The following GRID2 variants were observed in gnomAD, a reference collection of about 807,000 sequenced individuals.
The protein encoded by GRID2 is glutamate receptor ionotropic, delta-2.
GRID2 carries 33 observed loss-of-function variants against 114.8 expected under a neutral mutation model. The observed-to-expected ratio is 0.29, with a 90% CI of 0.22 to 0.38. GRID2 has a LOEUF of 0.38. Ranked by LOEUF, GRID2 falls within the 10% of genes least tolerant of loss-of-function variation. The pLI, the probability that GRID2 is intolerant of heterozygous loss-of-function variation, is 1.00. For missense variants in GRID2, 1,184 were observed against 1,257.7 expected (o/e 0.94, Z 0.89); for synonymous variants, 505 against 449.9 (o/e 1.12, Z -1.55).
chr4:92,568,119 G>A (rs1022743327), intron 1 of GRID2, among the ~76,000 whole-genome samples: 2 of 151,958 alleles, frequency 1.3e-5, no homozygotes, highest in Non-Finnish European at 2.9e-5. Context: ...GAGAAGCTGT[G>A]TTTTTCTGTA....
chr4:92,724,765 TA>T (rs1377333557), intron 2 of GRID2, among the ~76,000 whole-genome samples: 257 of 152,238 alleles, frequency 1.7e-3, no homozygotes, highest in African/African-American at 6.1e-3. Flanking sequence ...GAAGAATACA[TA>T]AACTAATATG....
chr4:92,823,078 T>A (rs113535774), intron 2 of GRID2: 2 of 152,076 alleles, frequency 1.3e-5, no homozygotes, highest in African/African-American at 4.8e-5. Context: ...AGGCATAGGA[T>A]GGAATAGTTT....
chr4:93,624,600 C>T (rs1241521940), intron 13 of GRID2, among the ~76,000 whole-genome samples: 1 of 151,924 alleles, frequency 6.6e-6, no homozygotes, highest in East Asian at 1.9e-4. Context: ...TTTTATAAAG[C>T]CTCATTTGTA....
intron 1 of GRID2, among the ~76,000 whole-genome samples, chr4:92,336,193 G>A (rs1727155268): frequency 6.6e-6 from 1 of 152,066 alleles, no homozygotes; most frequent in Non-Finnish European, 1.5e-5. Context: ...ATGTCATAAG[G>A]ACACCATAAT....
intron 3 of GRID2, among the ~76,000 whole-genome samples, chr4:93,102,492 A>C (rs1731799630): frequency 6.6e-6 from 1 of 152,090 alleles, no homozygotes; most frequent in Admixed American, 6.6e-5. Context: ...TATGGGCTCC[A>C]CTGCATACTG....
chr4:93,375,120 C>A (rs1011313224), intron 8 of GRID2, among the ~76,000 whole-genome samples: 1 of 152,022 alleles, frequency 6.6e-6, no homozygotes, highest in African/African-American at 2.4e-5. Context: ...ATCACTGCAG[C>A]TTTCCGTTGC....
At chr4:92,606,988 G>C (rs1560485799) in intron 2 of GRID2, among the ~76,000 whole-genome samples, 1 of 152,008 alleles carries the variant, frequency 6.6e-6, no homozygotes, top group Non-Finnish European at 1.5e-5. Context: ...TGATGTTGGA[G>C]ATACTGAGTG....
At chr4:93,436,123 A>G (rs918721651) in intron 10 of GRID2, among the ~76,000 whole-genome samples, 5 of 152,178 alleles carry the variant, frequency 3.3e-5, no homozygotes, top group African/African-American at 1.2e-4. Context: ...TAATTCTCAC[A>G]AAACTGGCCT....
intron 1 of GRID2, among the ~76,000 whole-genome samples, chr4:92,507,470 T>C (rs1239713321): frequency 6.6e-6 from 1 of 151,734 alleles, no homozygotes; most frequent in African/African-American, 2.4e-5. Flanking sequence ...CACTGTTTAC[T>C]TGGTCCTCAA....
At chr4:93,142,289 G>T (rs1405953854) in intron 4 of GRID2, among the ~76,000 whole-genome samples, 3 of 152,090 alleles carry the variant, frequency 2.0e-5, no homozygotes, top group Non-Finnish European at 4.4e-5. Context: ...ATCTATCTGG[G>T]CTGCTATCAT....
At chr4:93,304,271 T>TAC (rs1755180904) in intron 8 of GRID2, among the ~76,000 whole-genome samples, 1 of 148,064 alleles carries the variant, frequency 6.8e-6, no homozygotes, top group Non-Finnish European at 1.5e-5. Flanking sequence ...TATATATATA[T>TAC]ATATATATAA....
rs537758100 is a variant in GRID2 at position 93,063,281 on chromosome 4, T to C, written c.245-21714T>C. ...TGTTTTCACTCACATCTGATAATTC[T>C]GTATATGAAGGATTCTGTTTCACTT... On this transcript the variant is annotated intron_variant, in intron 2 of 15. Coordinates refer to ENST00000282020, the MANE Select transcript of GRID2 (RefSeq NM_001510.4). Among the ~76,000 whole-genome samples, 3 of 152,068 alleles carry C rather than the reference T, an allele frequency of 2.0e-5. No homozygotes were observed. In the East Asian group the frequency reaches 5.8e-4, roughly 29 times the overall value.
At chr4:92,643,320 C>T (rs75912812) in intron 2 of GRID2, among the ~76,000 whole-genome samples, 2,874 of 151,462 alleles carry the variant, frequency 0.019, 55 homozygotes, top group Middle Eastern at 0.037. Context: ...TTTCAACATA[C>T]TACTGGAAGT....
In GRID2 at chr4:92,729,923, CA is replaced by C. The variant is rs773405251; in HGVS notation, c.244+139639del. Among the ~76,000 whole-genome samples the C allele has an allele frequency of 3.0e-4, 45 of 151,962 alleles. No homozygotes were observed. In the South Asian group the frequency reaches 3.9e-3, roughly 13 times the overall value. On this transcript the variant is annotated intron_variant, in intron 2 of 15. Transcript: ENST00000282020. ...TAACAACAACAACAAGAAAACAAAG[CA>C]AGCAAAGAGAAAGCCTCTTACTCTT...
chr4:93,060,122 T>G (rs1391894078), intron 2 of GRID2, among the ~76,000 whole-genome samples: 1 of 152,108 alleles, frequency 6.6e-6, no homozygotes, highest in Non-Finnish European at 1.5e-5. Context: ...TGGCATGAAA[T>G]GCTGTCGTTT....
chr4:93,354,671 C>CGT (rs35452796), intron 8 of GRID2, among the ~76,000 whole-genome samples: 2,729 of 130,246 alleles, frequency 0.021, 37 homozygotes, highest in Admixed American at 0.049. Context: ...GTGGCTCATC[C>CGT]GTGTGTGTGT....
chr4:92,854,375 G>A (rs1744032508), intron 2 of GRID2, among the ~76,000 whole-genome samples: 1 of 152,000 alleles, frequency 6.6e-6, no homozygotes, highest in Non-Finnish European at 1.5e-5. Flanking sequence ...GGGCTGAAAA[G>A]ATCACTCCAG....
At chr4:93,397,148 G>T (rs1765407893) in intron 9 of GRID2, among the ~76,000 whole-genome samples, 1 of 151,876 alleles carries the variant, frequency 6.6e-6, no homozygotes, top group Non-Finnish European at 1.5e-5. Context: ...CAAAAAAGTG[G>T]ATTTGTGCAT....
chr4:92,742,431 T>A (rs554285278), intron 2 of GRID2, among the ~76,000 whole-genome samples: 69 of 152,254 alleles, frequency 4.5e-4, no homozygotes, highest in African/African-American at 1.6e-3. Flanking sequence ...ATTTTTCTTC[T>A]TCATTTCTGT....
Sources: gnomAD v4.1 joint callset for allele counts (sites outside exome capture counted in the v4.1 genomes callset) on GRCh38, gnomAD v4.1.1 for gene constraint, MANE v1.5 for transcripts, NCBI Gene and HGNC (gene_info 2026-07-23, HGNC 2026-07-21) for gene names.